The following B4GALNT2 variants were observed in gnomAD, a reference collection of about 807,000 sequenced individuals.
B4GALNT2 encodes beta-1,4-N-acetyl-galactosaminyltransferase 2 (SID blood group).
B4GALNT2 carries 42 observed loss-of-function variants against 51.1 expected under a neutral mutation model. That is an observed-to-expected ratio of 0.82 (90% confidence interval 0.64 to 1.06). The LOEUF is 1.06. Among genes scored for constraint, B4GALNT2 ranks in the 50% least tolerant of loss-of-function variants. B4GALNT2 has a pLI of 0.00. For synonymous variants in B4GALNT2, 253 were observed against 251.7 expected (o/e 1.01, Z -0.05); for missense variants, 602 against 633.6 (o/e 0.95, Z 0.54).
intron 3 of B4GALNT2, among the ~76,000 whole-genome samples, chr17:49,142,544 T>C (rs749564826): frequency 6.6e-6 from 1 of 151,624 alleles, no homozygotes; most frequent in African/African-American, 2.4e-5. Context: ...TTTTTAAAAT[T>C]AGCCAGGCAT....
chr17:49,164,137 C>G lies in B4GALNT2; in HGVS notation c.816C>G (p.Arg272=). The G allele has an allele frequency of 6.2e-7, 1 of 1,614,122 alleles. No homozygotes were observed. Among genetic ancestry groups the G allele is most frequent in the Non-Finnish European group, 8.5e-7 (1 of 1,179,980 alleles). The change falls in exon 8 of 11, where the codon CGC becomes CGG. Residue 272 remains arginine, a synonymous_variant. Transcript: ENST00000393354. ...LVTIATKTFL[R]PHKLMIMLRS... is the part of the protein sequence containing the mutation. ...CCATTGCTACCAAGACTTTCCTCCG[C>G]CCCCACAAGCTCATGATCATGCTCC... is the stretch of plus-strand genomic sequence containing the variant.
rs1466154284 is a variant in B4GALNT2 at position 49,176,400 on chromosome 17, T to G, written c.*6672T>G. 2 of 152,252 alleles carry G rather than the reference T, an allele frequency of 1.3e-5. No individual in the cohort carries two copies. The highest frequency in any genetic ancestry group is 2.4e-5 in the African/African-American group (1 of 41,460). The allele number at this position is 152,252 out of a possible 1,614,324, so 9.4% of individuals were successfully genotyped here. A position where few individuals can be genotyped will look rare whatever the true frequency, so the allele number is the denominator to read the frequency against. ...AGCATTGTTTCTAAAGATTATAGAT[T>G]AACTAAAAGTATTCCTTATGGGAAA... On this transcript the variant is annotated 3_prime_UTR_variant, in exon 11 of 11. Transcript: ENST00000393354.
chr17:49,166,193 T>A lies in B4GALNT2; in HGVS notation c.1034T>A (p.Phe345Tyr). ...CTCTGGGTGGACGATGATTTTCTCT[T>A]CAACGAGGAGACCAAGATTGAGGTG... ...YVLWVDDDFL[F>Y]NEETKIEVLV... The change falls in exon 9 of 11, where the codon TTC (phenylalanine) becomes TAC (tyrosine). Residue 345 changes from phenylalanine (F) to tyrosine (Y), a missense_variant. Phe to Tyr is a conservative substitution (Grantham distance 22, BLOSUM62 3). Coordinates refer to ENST00000393354, the MANE Select transcript of B4GALNT2 (RefSeq NM_001159387.2). The A allele has an allele frequency of 6.2e-7, 1 of 1,614,176 alleles. No homozygotes were observed. The highest frequency in any genetic ancestry group is 8.5e-7 in the Non-Finnish European group (1 of 1,180,036).
chr17:49,146,736 C>T (rs1329194540), intron 3 of B4GALNT2, among the ~76,000 whole-genome samples: 2 of 152,184 alleles, frequency 1.3e-5, no homozygotes, highest in Non-Finnish European at 2.9e-5. Flanking sequence ...GTAGTTTTCC[C>T]ATCAGTCCAA....
rs1443007359 is a variant in B4GALNT2 at position 49,170,032 on chromosome 17, G to A, written c.*304G>A. The A allele has an allele frequency of 3.1e-5, 8 of 257,352 alleles. No individual in the cohort carries two copies. The highest frequency in any genetic ancestry group is 5.2e-5 in the Non-Finnish European group (7 of 135,544). The allele number at this position is 257,352 out of a possible 1,614,324, so 15.9% of individuals were successfully genotyped here. ...ATCTCATCTGATATCACACAAAGATGACATTGGTTGGTGTCCTCAGTCAAA... is the reference window on the plus strand; with the variant it reads ...ATCTCATCTGATATCACACAAAGATAACATTGGTTGGTGTCCTCAGTCAAA... On this transcript the variant is annotated 3_prime_UTR_variant, in exon 11 of 11. Coordinates refer to ENST00000393354, the MANE Select transcript of B4GALNT2 (RefSeq NM_001159387.2).
intron 7 of B4GALNT2, among the ~76,000 whole-genome samples, chr17:49,162,912 C>CAAAAAAA (rs34568226): frequency 1.5e-4 from 8 of 53,620 alleles, no homozygotes; most frequent in African/African-American, 1.7e-4. Flanking sequence ...GAAACTGTCT[C>CAAAAAAA]AAAAAAAAAA....
chr17:49,139,546 G>A (rs1025830105), intron 1 of B4GALNT2, among the ~76,000 whole-genome samples: 2 of 152,086 alleles, frequency 1.3e-5, no homozygotes, highest in African/African-American at 4.8e-5. Context: ...TTAGAGATGG[G>A]GTCTCAGTTG....
At chr17:49,145,013 C>T (rs1021754941) in intron 3 of B4GALNT2, among the ~76,000 whole-genome samples, 1 of 152,098 alleles carries the variant, frequency 6.6e-6, no homozygotes, top group African/African-American at 2.4e-5. Flanking sequence ...TATTCGATGG[C>T]GTCTGATTAG....
At position 49,148,557 on chromosome 17, in the gene B4GALNT2, T is replaced by C. The variant is rs1014059974; in HGVS notation, c.354-4243T>C. The C allele has an allele frequency of 7.4e-6, 3 of 403,408 alleles. No individual in the cohort carries two copies. The Admixed American group carries it at 8.9e-5, about 12-fold the overall frequency. The allele number at this position is 403,408 out of a possible 1,614,324, so 25.0% of individuals were successfully genotyped here. ...GGCAAGCACAATCTCTGGGGGCAGA[T>C]GGAGGTCATCATGGAGATACTGGAT... is the stretch of plus-strand genomic sequence containing the variant. On this transcript the variant is annotated intron_variant, in intron 3 of 10. Transcript: ENST00000393354.
At chr17:49,132,898 G>A (rs1483269518) in intron 1 of B4GALNT2, 92 bp downstream of exon 1, 2 of 1,379,210 alleles carry the variant, frequency 1.5e-6, no homozygotes, top group Admixed American at 4.0e-5. Context: ...GAGCGGGCAG[G>A]TGCTGGGGAC....
intron 1 of B4GALNT2, 131 bp downstream of exon 1, chr17:49,132,937 T>C (rs1598192063): frequency 7.3e-7 from 1 of 1,364,034 alleles, no homozygotes; most frequent in Middle Eastern, 2.0e-4. Flanking sequence ...GAGCGGGCGG[T>C]TGGAGTCTTA....
rs1447716007 is a variant in B4GALNT2 at position 49,174,903 on chromosome 17, T to G, written c.*5175T>G. 1 of 152,192 alleles carries G rather than the reference T, an allele frequency of 6.6e-6. No homozygotes were observed. The highest frequency in any genetic ancestry group is 1.5e-5 in the Non-Finnish European group (1 of 68,032). The allele number at this position is 152,192 out of a possible 1,614,324, so 9.4% of individuals were successfully genotyped here. A position where few individuals can be genotyped will look rare whatever the true frequency, so the allele number is the denominator to read the frequency against. On this transcript the variant is annotated 3_prime_UTR_variant, in exon 11 of 11. Transcript: ENST00000393354. Reference sequence around the variant, plus strand: ...CATACCAGGGACATACCCCATTTCATGCACCATACGTTGACTTTGAGGGCT... The same window carrying G: ...CATACCAGGGACATACCCCATTTCAGGCACCATACGTTGACTTTGAGGGCT...
chr17:49,171,493 A>T lies in B4GALNT2; in HGVS notation c.*1765A>T. On this transcript the variant is annotated 3_prime_UTR_variant, in exon 11 of 11. Coordinates refer to ENST00000393354, the MANE Select transcript of B4GALNT2 (RefSeq NM_001159387.2). The stretch of plus-strand genomic sequence containing the variant: ...TCTAGATGCTTTTTTATTCTTTCCC[A>T]AATTTTGATCTTATTAACAGACATT... 2.6e-6 allele frequency: 1 copy of T among 390,952 alleles called. No individual in the cohort carries two copies. Among genetic ancestry groups the T allele is most frequent in the South Asian group, 1.9e-5 (1 of 52,406 alleles). 24.2% of individuals were successfully genotyped at this position (390,952 alleles called of 1,614,324 possible). A position where few individuals can be genotyped will look rare whatever the true frequency, so the allele number is the denominator to read the frequency against.
the B4GALNT2 span, among the ~76,000 whole-genome samples, chr17:49,124,915 C>T: frequency 2.0e-5 from 3 of 152,218 alleles, no homozygotes; most frequent in Non-Finnish European, 2.9e-5. Context: ...AATATGTTTA[C>T]ACACAGAATT....
chr17:49,165,127 A>G (rs1239159585), intron 8 of B4GALNT2, among the ~76,000 whole-genome samples: 1 of 151,868 alleles, frequency 6.6e-6, no homozygotes, highest in East Asian at 1.9e-4. Context: ...ATCTTTCCTC[A>G]TTTCCGATGT....
At chr17:49,168,587 T>C in intron 9 of B4GALNT2, 94 bp from the exon 10 acceptor site, 3 of 1,176,288 alleles carry the variant, frequency 2.6e-6, no homozygotes, top group Non-Finnish European at 3.7e-6. Context: ...ACAATTCTTG[T>C]TATAACCGAG....
At chr17:49,168,319 G>A (rs920317964) in intron 9 of B4GALNT2, among the ~76,000 whole-genome samples, 3 of 152,270 alleles carry the variant, frequency 2.0e-5, no homozygotes, top group Non-Finnish European at 2.9e-5. Context: ...TGGAAACTCC[G>A]CAAATGGACC....
rs897971035 is a variant in B4GALNT2, at chr17:49,159,353, GT to G, written c.679+142del. ...GTGTTTGTTTGTTTTGTTTTGTTTT[GT>G]TTTTTGAGACGGAGTCTCACTCTGT... On this transcript the variant is annotated intron_variant, in intron 6 of 10. Coordinates refer to ENST00000393354, the MANE Select transcript of B4GALNT2 (RefSeq NM_001159387.2). 1.3e-5 allele frequency: 14 copies of G among 1,084,648 alleles called. No homozygotes were observed. The African/African-American group carries it at 2.1e-4, about 16-fold the overall frequency. The allele number at this position is 1,084,648 out of a possible 1,614,324, so 67.2% of individuals were successfully genotyped here. A position where few individuals can be genotyped will look rare whatever the true frequency, so the allele number is the denominator to read the frequency against.
intron 3 of B4GALNT2, among the ~76,000 whole-genome samples, chr17:49,144,184 G>A (rs1477865590): frequency 1.3e-5 from 2 of 152,080 alleles, no homozygotes; most frequent in East Asian, 3.9e-4. Context: ...AAAACCACCA[G>A]TCCCATCATG....
Sources: allele counts gnomAD v4.1 joint callset (sites outside exome capture counted in the v4.1 genomes callset), GRCh38; gene constraint gnomAD v4.1.1; transcripts MANE v1.5; gene names NCBI Gene and HGNC (gene_info 2026-07-23, HGNC 2026-07-21).